Variants in CCDC18 observed in about 807,000 individuals in gnomAD.
CCDC18 encodes coiled-coil domain-containing protein 18.
CCDC18 carries 157 observed loss-of-function variants against 196.0 expected under a neutral mutation model. That is an observed-to-expected ratio of 0.80 (90% CI 0.70 to 0.91). The LOEUF (loss-of-function observed/expected upper bound fraction) is 0.91, where lower values mean the gene tolerates loss of function less well. Ranked by LOEUF, CCDC18 falls within the 40% of genes least tolerant of loss-of-function variation. CCDC18 has a pLI of 0.00. For synonymous variants in CCDC18, 482 were observed against 529.2 expected (o/e 0.91, Z 1.22); for missense variants, 1,465 against 1,611.6 (o/e 0.91, Z 1.56).
At chr1:93,188,610 T>C (rs1651131723) in intron 4 of CCDC18, among the ~76,000 whole-genome samples, 1 of 152,236 alleles carries the variant, frequency 6.6e-6, no homozygotes, top group South Asian at 2.1e-4. Context: ...CTGTTGCCAT[T>C]GTGAATTACT....
intron 9 of CCDC18, among the ~76,000 whole-genome samples, chr1:93,208,354 G>T (rs1655057276): frequency 4.7e-5 from 7 of 150,378 alleles, no homozygotes; most frequent in Admixed American, 4.6e-4. Flanking sequence ...TTTTTTGACG[G>T]AGTCTCTCAC....
chr1:93,226,299 T>G (rs200843262), intron 16 of CCDC18, 34 bp from the exon 17 acceptor site: 18 of 142,024 alleles, frequency 1.3e-4, no homozygotes, highest in South Asian at 3.4e-4. Context: ...TCGTTTTGTG[T>G]TTTTTTTTTT....
intron 21 of CCDC18, among the ~76,000 whole-genome samples, chr1:93,242,330 C>CAAGAG (rs58936093): frequency 0.28 from 42,929 of 151,702 alleles, 9,300 homozygotes; most frequent in African/African-American, 0.61. Context: ...TGGTGGCAGA[C>CAAGAG]AAGAGAGCTT....
intron 21 of CCDC18, among the ~76,000 whole-genome samples, chr1:93,245,102 T>A (rs1192004079): frequency 6.6e-6 from 1 of 152,200 alleles, no homozygotes; most frequent in Non-Finnish European, 1.5e-5. Context: ...TTTATCTTTT[T>A]TACTATTAAA....
At chr1:93,221,097 G>A (rs1449620658) in intron 14 of CCDC18, among the ~76,000 whole-genome samples, 2 of 152,162 alleles carry the variant, frequency 1.3e-5, no homozygotes, top group Non-Finnish European at 2.9e-5. Context: ...ACATACACAT[G>A]CATGTATTTT....
chr1:93,257,256 A>C (rs1053602242), intron 25 of CCDC18, among the ~76,000 whole-genome samples: 5 of 147,442 alleles, frequency 3.4e-5, no homozygotes, highest in Admixed American at 6.9e-5. Flanking sequence ...AAAAAAAAAA[A>C]AAACATGAAA....
intron 19 of CCDC18, 59 bp from the exon 20 acceptor site, chr1:93,239,251 G>A: frequency 7.7e-7 from 1 of 1,291,608 alleles, no homozygotes; most frequent in East Asian, 2.4e-5. Flanking sequence ...TTTTTAGTCA[G>A]AGACAAGTTA....
At chr1:93,266,348 T>C (rs952539221) in intron 27 of CCDC18, among the ~76,000 whole-genome samples, 1 of 152,058 alleles carries the variant, frequency 6.6e-6, no homozygotes, top group Non-Finnish European at 1.5e-5. Context: ...GCAGGAAAGA[T>C]CTAAAATTGA....
Position 93,210,803 on chromosome 1 carries a change from TAAA to T in CCDC18, c.1214_1216del (p.Lys405del). 6.3e-7 allele frequency: 1 copy of T among 1,592,432 alleles called. No individual in the cohort carries two copies. Among genetic ancestry groups the T allele is most frequent in the Non-Finnish European group, 8.6e-7 (1 of 1,161,322 alleles). ...ATATGTTTGTTTTTAAACTTGCAGT[TAAA>T]AAGAGAATTATTTGGCTTTAAATCA... On this transcript the variant is annotated inframe_deletion and splice_region_variant, in exon 10 of 29. Coordinates refer to ENST00000690025, the MANE Select transcript of CCDC18 (RefSeq NM_001378204.1).
chr1:93,232,763 G>A (rs551044118), intron 18 of CCDC18, among the ~76,000 whole-genome samples, 170 bp downstream of exon 18: 210 of 152,350 alleles, frequency 1.4e-3, no homozygotes, highest in African/African-American at 5.0e-3. Context: ...CTGAGGTCAG[G>A]AGTTCGAGAC....
intron 7 of CCDC18, 63 bp downstream of exon 7, chr1:93,202,051 A>T: frequency 5.6e-6 from 5 of 890,038 alleles, no homozygotes; most frequent in African/African-American, 1.7e-5. Context: ...CAGTAAAGGT[A>T]GGAATAATTA....
intron 17 of CCDC18, among the ~76,000 whole-genome samples, chr1:93,230,748 A>AT (rs1659124583): frequency 6.6e-6 from 1 of 151,636 alleles, no homozygotes; most frequent in East Asian, 1.9e-4. Context: ...TATTTTGTCC[A>AT]TTTTTTTCTC....
At chr1:93,268,606 G>C (rs929373297) in intron 27 of CCDC18, among the ~76,000 whole-genome samples, 27 of 151,706 alleles carry the variant, frequency 1.8e-4, no homozygotes, top group African/African-American at 6.3e-4. Context: ...CCATCAAAAA[G>C]TGGGAGAAGG....
chr1:93,259,107 A>G (rs1663433796), intron 26 of CCDC18, among the ~76,000 whole-genome samples: 1 of 152,196 alleles, frequency 6.6e-6, no homozygotes, highest in African/African-American at 2.4e-5. Flanking sequence ...CTCACCACGG[A>G]GCCACCTGTA....
chr1:93,273,154 C>T (rs1466147152), intron 28 of CCDC18, among the ~76,000 whole-genome samples: 5 of 152,064 alleles, frequency 3.3e-5, no homozygotes, highest in Admixed American at 2.0e-4. Flanking sequence ...CTGCAAGCTC[C>T]GCCTCCCAGG....
intron 28 of CCDC18, 132 bp downstream of exon 28, chr1:93,270,946 C>G (rs1031058045): frequency 9.4e-6 from 13 of 1,388,628 alleles, no homozygotes; most frequent in Non-Finnish European, 9.3e-6. Context: ...ACATTTTATA[C>G]ATTAAGTAAA....
At chr1:93,262,622 C>T (rs915628055) in intron 26 of CCDC18, among the ~76,000 whole-genome samples, 5 of 152,232 alleles carry the variant, frequency 3.3e-5, no homozygotes, top group African/African-American at 1.2e-4. Flanking sequence ...TGTGGTTCTG[C>T]AGGGTACAGC....
At position 93,200,080 on chromosome 1, in the gene CCDC18, G is replaced by A. The variant is rs938050949; in HGVS notation, c.699-1812G>A. 5.9e-5 allele frequency: 9 copies of A among 152,476 alleles called. No individual in the cohort carries two copies. The Middle Eastern group carries it at 0.02, about 341-fold the overall frequency. The allele number at this position is 152,476 out of a possible 1,614,324, so 9.4% of individuals were successfully genotyped here. On this transcript the variant is annotated intron_variant, in intron 6 of 28. Transcript: ENST00000690025. Reference sequence around the variant, plus strand: ...GCTCACTGCAGCCTCAAACCCCTGCGTTCAAGGGATCCTCCTGCCTCAGCC... The same window carrying A: ...GCTCACTGCAGCCTCAAACCCCTGCATTCAAGGGATCCTCCTGCCTCAGCC...
chr1:93,215,513 G>C (rs1353062473), intron 12 of CCDC18, among the ~76,000 whole-genome samples: 1 of 151,098 alleles, frequency 6.6e-6, no homozygotes, highest in Non-Finnish European at 1.5e-5. Context: ...CTGGAGTGTG[G>C]TGGTGTGATC....
Sources: gnomAD v4.1 joint callset for allele counts (sites outside exome capture counted in the v4.1 genomes callset) on GRCh38, gnomAD v4.1.1 for gene constraint, MANE v1.5 for transcripts, NCBI Gene and HGNC (gene_info 2026-07-23, HGNC 2026-07-21) for gene names.